The following UGT2B7 variants were observed in gnomAD, a reference collection of about 807,000 sequenced individuals.
UGT2B7 encodes the protein UDP glucuronosyltransferase family 2 member B7, also known as UDP-glucuronosyltransferase 2B7.
In UGT2B7, 51 loss-of-function variants were observed where a neutral mutation model predicts 51.9. That is an observed-to-expected ratio of 0.98 (90% confidence interval 0.78 to 1.24). The LOEUF (loss-of-function observed/expected upper bound fraction) is 1.24, where lower values mean the gene tolerates loss of function less well. Among genes scored for constraint, UGT2B7 ranks in the 50% most tolerant of loss-of-function variants. UGT2B7 has a pLI of 0.00. For missense variants in UGT2B7, 727 were observed against 628.4 expected (o/e 1.16, Z -1.68); for synonymous variants, 225 against 211.6 (o/e 1.06, Z -0.55).
At chr4:69,064,773 C>G (rs903639849) in intron 1 of UGT2B7, among the ~76,000 whole-genome samples, 9 of 152,264 alleles carry the variant, frequency 5.9e-5, no homozygotes, top group Admixed American at 1.3e-4. Flanking sequence ...CCCAAGGTCT[C>G]TCTCTGGTAC....
chr4:69,090,381 T>C (rs1384703546), intron 2 of UGT2B7, among the ~76,000 whole-genome samples: 2 of 151,988 alleles, frequency 1.3e-5, no homozygotes, highest in African/African-American at 4.8e-5. Flanking sequence ...AGCTTTCCCA[T>C]AAAAAACAAA....
At chr4:69,070,382 G>T (rs1335143168) in intron 1 of UGT2B7, among the ~76,000 whole-genome samples, 1 of 147,182 alleles carries the variant, frequency 6.8e-6, no homozygotes, top group Non-Finnish European at 1.5e-5. Context: ...CCTAGATAAA[G>T]AACCCTCTTC....
At chr4:69,095,503 T>C (rs1719199090), upstream of UGT2B7, among the ~76,000 whole-genome samples, 1 of 152,178 alleles carries the variant, frequency 6.6e-6, no homozygotes, top group Non-Finnish European at 1.5e-5. Flanking sequence ...AAAAGGAAAG[T>C]TGATCATTTC....
chr4:69,067,756 A>C (rs1190225262), intron 1 of UGT2B7: 1 of 152,348 alleles, frequency 6.6e-6, no homozygotes, highest in Non-Finnish European at 1.5e-5. Context: ...GGCCATGATC[A>C]ATACACCATT....
chr4:69,069,353 C>A (rs1323827934), intron 1 of UGT2B7, among the ~76,000 whole-genome samples: 1 of 151,778 alleles, frequency 6.6e-6, no homozygotes, highest in Non-Finnish European at 1.5e-5. Context: ...ATAATTCAAT[C>A]TCTGTACTCT....
intron 1 of UGT2B7, among the ~76,000 whole-genome samples, chr4:69,083,274 A>G (rs1195433744): frequency 6.6e-6 from 1 of 152,124 alleles, no homozygotes; most frequent in Non-Finnish European, 1.5e-5. Flanking sequence ...CCACTAATAA[A>G]GGTGTAAATT....
At chr4:69,064,036 GA>G (rs1308564315) in intron 1 of UGT2B7, among the ~76,000 whole-genome samples, 1 of 79,728 alleles carries the variant, frequency 1.3e-5, no homozygotes, top group African/African-American at 7.5e-5. Context: ...AAGAAAGAAA[GA>G]AAGAAAGAAA....
chr4:69,057,962 C>T (rs1718245233), intron 1 of UGT2B7, among the ~76,000 whole-genome samples: 1 of 152,154 alleles, frequency 6.6e-6, no homozygotes, highest in Non-Finnish European at 1.5e-5. Context: ...ACAGTCAGGG[C>T]ATTCAGACCA....
intron 1 of UGT2B7, among the ~76,000 whole-genome samples, chr4:69,079,999 CT>C (rs1048981414): frequency 6.6e-6 from 1 of 151,834 alleles, no homozygotes; most frequent in Admixed American, 6.6e-5. Flanking sequence ...ACCTTAGCAT[CT>C]TTTTTTGCAT....
At chr4:69,087,475 C>CG (rs1186665486) in intron 1 of UGT2B7, among the ~76,000 whole-genome samples, 1 of 151,948 alleles carries the variant, frequency 6.6e-6, no homozygotes, top group East Asian at 1.9e-4. Context: ...TTATATACCA[C>CG]AATTATAGTA....
At chr4:69,059,783 G>A (rs1015160838) in intron 1 of UGT2B7, among the ~76,000 whole-genome samples, 14 of 152,218 alleles carry the variant, frequency 9.2e-5, no homozygotes, top group South Asian at 2.1e-4. Context: ...TGCGGAAGCC[G>A]TCTGGTGAAT....
intron 1 of UGT2B7, among the ~76,000 whole-genome samples, chr4:69,074,276 G>A (rs1261910461): frequency 6.6e-6 from 1 of 151,950 alleles, no homozygotes; most frequent in Non-Finnish European, 1.5e-5. Context: ...CAGAGGTTGA[G>A]GCTCAAGTGA....
chr4:69,081,313 C>G (rs1718832031), intron 1 of UGT2B7, among the ~76,000 whole-genome samples: 1 of 151,920 alleles, frequency 6.6e-6, no homozygotes, highest in African/African-American at 2.4e-5. Flanking sequence ...CAATGCAAGC[C>G]ACAGCCCTAT....
chr4:69,059,376 GC>G (rs1560498074), intron 1 of UGT2B7, among the ~76,000 whole-genome samples: 2 of 152,206 alleles, frequency 1.3e-5, no homozygotes, highest in Admixed American at 6.5e-5. Flanking sequence ...CTGTTCCTTT[GC>G]TGGGAAGAGA....
At chr4:69,059,003 G>C (rs1030414445) in intron 1 of UGT2B7, among the ~76,000 whole-genome samples, 1 of 152,116 alleles carries the variant, frequency 6.6e-6, no homozygotes, top group East Asian at 1.9e-4. Context: ...TAAGGAGAAG[G>C]GTCAGGGCCA....
chr4:69,096,235 T>C (rs1290206560), upstream of UGT2B7, among the ~76,000 whole-genome samples: 1 of 152,144 alleles, frequency 6.6e-6, no homozygotes, highest in Non-Finnish European at 1.5e-5. Context: ...TTCTAAAATA[T>C]ATTGCATAAG....
chr4:69,105,516 A>G (rs1177419407), intron 3 of UGT2B7, among the ~76,000 whole-genome samples: 3 of 152,228 alleles, frequency 2.0e-5, no homozygotes, highest in African/African-American at 7.2e-5. Flanking sequence ...ATAGCAGAAC[A>G]TGTTAATCAC....
intron 2 of UGT2B7, among the ~76,000 whole-genome samples, chr4:69,099,849 C>A (rs1719368183): frequency 6.6e-6 from 1 of 151,976 alleles, no homozygotes. Context: ...AAATTATATT[C>A]TCTTGCAGAG....
At chr4:69,093,850 T>C (rs1234809948), upstream of UGT2B7, among the ~76,000 whole-genome samples, 1 of 152,224 alleles carries the variant, frequency 6.6e-6, no homozygotes, top group African/African-American at 2.4e-5. Flanking sequence ...GATCAAGTTG[T>C]TTCCTTAAAT....
Sources: allele counts gnomAD v4.1 joint callset (sites outside exome capture counted in the v4.1 genomes callset), GRCh38; gene constraint gnomAD v4.1.1; transcripts MANE v1.5; gene names NCBI Gene and HGNC (gene_info 2026-07-23, HGNC 2026-07-21).